The following ELK3 variants were observed in gnomAD, a reference collection of about 807,000 sequenced individuals.
ELK3 encodes ETS transcription factor ELK3.
ELK3 carries 10 observed loss-of-function variants against 28.9 expected under a neutral mutation model. The observed-to-expected ratio is 0.35, with a 90% CI of 0.21 to 0.59. ELK3 has a LOEUF of 0.59. ELK3 is among the 20% of genes least tolerant of loss of function. The pLI, the probability that ELK3 is intolerant of heterozygous loss-of-function variation, is 0.82. For synonymous variants in ELK3, 272 were observed against 243.5 expected (o/e 1.12, Z -1.09); for missense variants, 463 against 517.3 (o/e 0.90, Z 1.02).
At chr12:96,211,485 GTTTGTGT>G (rs755294144) in intron 1 of ELK3, among the ~76,000 whole-genome samples, 5 of 27,384 alleles carry the variant, frequency 1.8e-4, no homozygotes, top group Admixed American at 8.7e-4. Flanking sequence ...GTCATTGTGT[GTTTGTGT>G]GTGTGTGTGT....
Position 96,267,180 on chromosome 12 carries a change from A to C in ELK3, c.1224A>C (p.Ter408CysextTer1), listed in dbSNP as rs1485965092. 1 of 1,611,556 alleles carries C rather than the reference A, an allele frequency of 6.2e-7. No homozygotes were observed. Among genetic ancestry groups the C allele is most frequent in the East Asian group, 2.2e-5 (1 of 44,840 alleles). Reference sequence around the variant, plus strand: ...TTTCTTCAAACTCTCAGAAATCCTGATGACGTCTGGCCACAATTAAGGACT... The same window carrying C: ...TTTCTTCAAACTCTCAGAAATCCTGCTGACGTCTGGCCACAATTAAGGACT... The part of the protein sequence containing the change: ...VLLSSNSQKS[*>C] Residue 408 changes from the stop codon to cysteine, a stop_lost, in exon 5 of 5, where the codon TGA becomes TGC. Transcript: ENST00000228741.
At chr12:96,265,870 A>G (rs537295323) in intron 4 of ELK3, among the ~76,000 whole-genome samples, 1 of 152,326 alleles carries the variant, frequency 6.6e-6, no homozygotes, top group South Asian at 2.1e-4. Context: ...GTTCCAGAAA[A>G]GAAACAAAAA....
At chr12:96,223,835 A>T in intron 2 of ELK3, 62 bp downstream of exon 2, 7 of 1,517,728 alleles carry the variant, frequency 4.6e-6, no homozygotes, top group Non-Finnish European at 6.4e-6. Flanking sequence ...TGCGTAGTTC[A>T]CTGATGAAAG....
intron 2 of ELK3, 125 bp from the exon 3 acceptor site, chr12:96,246,815 C>A: frequency 3.0e-6 from 3 of 993,620 alleles, no homozygotes; most frequent in Non-Finnish European, 4.4e-6. Flanking sequence ...TCCACTTTTC[C>A]TTAGCCAAGA....
At chr12:96,215,200 C>G (rs1565779511) in intron 1 of ELK3, among the ~76,000 whole-genome samples, 1 of 151,866 alleles carries the variant, frequency 6.6e-6, no homozygotes, top group Non-Finnish European at 1.5e-5. Context: ...ACTCCCACCT[C>G]AGTAAAAATG....
At chr12:96,216,261 T>C (rs923297526) in intron 1 of ELK3, among the ~76,000 whole-genome samples, 5 of 152,144 alleles carry the variant, frequency 3.3e-5, no homozygotes, top group Non-Finnish European at 5.9e-5. Flanking sequence ...ACCACATAGA[T>C]GGGAGCCGAA....
At chr12:96,236,694 C>A (rs529564574) in intron 2 of ELK3, among the ~76,000 whole-genome samples, 1 of 152,212 alleles carries the variant, frequency 6.6e-6, no homozygotes, top group African/African-American at 2.4e-5. Context: ...CTAGTTGCAC[C>A]CCAGTGGCGG....
rs1219900868 is a variant in ELK3 at position 96,247,349 on chromosome 12, A to C, written c.617A>C (p.Glu206Ala). The C allele has an allele frequency of 2.5e-6, 4 of 1,614,084 alleles. No individual in the cohort carries two copies. The highest frequency in any genetic ancestry group is 1.3e-5 in the African/African-American group (1 of 74,940). The change falls in exon 3 of 5, where the codon GAG becomes GCG. Residue 206 changes from glutamate to alanine, a missense_variant. By Grantham distance (107) the Glu-to-Ala change is moderately radical. Around this residue, in one of 2 missense-constraint regions of ELK3, gnomAD observed 408 missense variants for 414.8 expected, o/e 0.98. Coordinates refer to ENST00000228741, the MANE Select transcript of ELK3 (RefSeq NM_005230.4). The surrounding 1 kb of genome is among the most constrained non-coding windows in gnomAD (Gnocchi z 5.5). ...GTGGTGTCCCTGCCTTCCACGTCAG[A>C]GGCTGCGGCGGCGTCCGCCTTCCTG... The part of the protein sequence containing the change: ...RPVVSLPSTS[E>A]AAAASAFLAS...
At chr12:96,265,544 G>C (rs180764879) in intron 4 of ELK3, among the ~76,000 whole-genome samples, 1 of 152,208 alleles carries the variant, frequency 6.6e-6, no homozygotes, top group Admixed American at 6.5e-5. Flanking sequence ...AAATTAGCTA[G>C]GCATGGTGGC....
At chr12:96,217,985 C>T (rs1454372201) in intron 1 of ELK3, among the ~76,000 whole-genome samples, 1 of 149,152 alleles carries the variant, frequency 6.7e-6, no homozygotes, top group East Asian at 2.0e-4. Flanking sequence ...GAACGAAAAT[C>T]ACTTTTCCTC....
intron 1 of ELK3, among the ~76,000 whole-genome samples, chr12:96,217,781 CAA>C (rs1345127359): frequency 6.6e-6 from 1 of 151,498 alleles, no homozygotes; most frequent in Non-Finnish European, 1.5e-5. Flanking sequence ...ACTAAAAATA[CAA>C]AAAAATTAGC....
chr12:96,197,082 A>G (rs1244925865), intron 1 of ELK3, among the ~76,000 whole-genome samples: 2 of 152,194 alleles, frequency 1.3e-5, no homozygotes, highest in African/African-American at 2.4e-5. Context: ...GATCTCATAC[A>G]TTTTGCATGA....
At chr12:96,258,194 GAA>G (rs1191225653) in intron 3 of ELK3, among the ~76,000 whole-genome samples, 1 of 152,250 alleles carries the variant, frequency 6.6e-6, no homozygotes, top group Non-Finnish European at 1.5e-5. Flanking sequence ...GCTGAGCCGT[GAA>G]GTTTTAACTG....
chr12:96,213,172 C>T (rs1205022972), intron 1 of ELK3, among the ~76,000 whole-genome samples: 3 of 152,150 alleles, frequency 2.0e-5, no homozygotes, highest in Admixed American at 6.6e-5. Flanking sequence ...AAGCCTTTGG[C>T]GCAGTGCCAT....
intron 1 of ELK3, among the ~76,000 whole-genome samples, chr12:96,198,339 G>A (rs1408188992): frequency 6.6e-6 from 1 of 152,204 alleles, no homozygotes; most frequent in African/African-American, 2.4e-5. Flanking sequence ...TGGGGTTACA[G>A]GTGTGAACCT....
intron 4 of ELK3, 97 bp from the exon 5 acceptor site, chr12:96,266,985 G>C (rs559330795): frequency 2.1e-6 from 2 of 930,652 alleles, no homozygotes; most frequent in South Asian, 2.2e-5. Flanking sequence ...GGTGATGAGA[G>C]AAATGGACTG....
intron 2 of ELK3, among the ~76,000 whole-genome samples, chr12:96,232,395 C>A (rs547276551): frequency 2.0e-5 from 3 of 151,728 alleles, no homozygotes; most frequent in Admixed American, 6.6e-5. Flanking sequence ...ATGGTGAAAA[C>A]CCCGTCTCTA....
At chr12:96,233,967 A>G (rs1009715934) in intron 2 of ELK3, among the ~76,000 whole-genome samples, 4 of 152,200 alleles carry the variant, frequency 2.6e-5, no homozygotes, top group African/African-American at 9.6e-5. Flanking sequence ...GCAATGGGCT[A>G]TTGCCTGGGG....
chr12:96,256,012 G>T (rs2284744), intron 3 of ELK3, among the ~76,000 whole-genome samples: 69,458 of 151,516 alleles, frequency 0.46, 17,040 homozygotes, highest in South Asian at 0.62. Flanking sequence ...CTCAAATCTG[G>T]GGCTAAGGAG....
Sources: gnomAD v4.1 joint callset for allele counts (sites outside exome capture counted in the v4.1 genomes callset) on GRCh38, gnomAD v4.1.1 for gene constraint, gnomAD v4.1.1 regional missense constraint, Gnocchi (gnomAD v3.1) non-coding constraint, MANE v1.5 for transcripts, NCBI Gene and HGNC (gene_info 2026-07-23, HGNC 2026-07-21) for gene names.